The following SMPDL3B variants were observed in gnomAD, a reference collection of about 807,000 sequenced individuals.
SMPDL3B encodes acid sphingomyelinase-like phosphodiesterase 3b.
SMPDL3B carries 31 observed loss-of-function variants against 37.9 expected under a neutral mutation model. The ratio of observed to expected loss-of-function variants is 0.82; its 90% CI spans 0.61 to 1.10. The LOEUF is 1.10. Ranked by LOEUF, SMPDL3B falls within the 50% of genes least tolerant of loss-of-function variation. The pLI is 0.00. For synonymous variants in SMPDL3B, 235 were observed against 242.6 expected, an observed-to-expected ratio of 0.97 and a Z score of 0.29; for missense variants, 525 against 597.8, an observed-to-expected ratio of 0.88 and a Z score of 1.27.
chr1:27,953,761 C>T (rs1181109819), intron 4 of SMPDL3B, among the ~76,000 whole-genome samples: 2 of 152,212 alleles, frequency 1.3e-5, no homozygotes, highest in African/African-American at 4.8e-5. Flanking sequence ...CAGAATGTTG[C>T]AAACACTCAC....
At chr1:27,937,119 T>TAAA (rs2090316517) in intron 1 of SMPDL3B, among the ~76,000 whole-genome samples, 1 of 152,246 alleles carries the variant, frequency 6.6e-6, no homozygotes, top group African/African-American at 2.4e-5. Context: ...CACAGGTGGA[T>TAAA]TCTGAGACAG....
At chr1:27,944,176 G>A (rs1571651614) in intron 1 of SMPDL3B, among the ~76,000 whole-genome samples, 1 of 151,806 alleles carries the variant, frequency 6.6e-6, no homozygotes, top group African/African-American at 2.4e-5. Flanking sequence ...TCTAGGTTTC[G>A]GTCAATCACC....
rs770639265 is a variant in SMPDL3B at position 27,953,204 on chromosome 1, T to C, written c.374-11T>C. 1.2e-6 allele frequency: 2 copies of C among 1,605,140 alleles called. No homozygotes were observed. The highest frequency in any genetic ancestry group is 1.7e-6 in the Non-Finnish European group (2 of 1,176,550). On this transcript the variant is annotated splice_polypyrimidine_tract_variant and intron_variant, in intron 3 of 7. Coordinates refer to ENST00000373894, the MANE Select transcript of SMPDL3B (RefSeq NM_014474.4). ...GCATATATATTTTGATATTTCACCC[T>C]TTCTTCCTAGATACTAAAGTCTATG...
At chr1:27,948,959 G>A in intron 2 of SMPDL3B, 106 bp from the exon 3 acceptor site, 1 of 1,569,156 alleles carries the variant, frequency 6.4e-7, no homozygotes, top group Non-Finnish European at 8.6e-7. Context: ...GGGGACATCT[G>A]AGGCCCAGGT....
In SMPDL3B at chr1:27,955,836, C is replaced by T; in HGVS notation, c.843C>T (p.Asp281=). Residue 281 remains aspartate (D), a synonymous_variant, in exon 6 of 8, where the codon GAC becomes GAT. Transcript: ENST00000373894. ...AGQFFGHHHT[D]SFRMLYDDAG... is the part of the protein sequence containing the mutation. ...AGTTCTTCGGGCACCACCACACCGA[C>T]AGCTTTCGGATGCTCTATGATGATG... 6 of 1,614,116 alleles carry T rather than the reference C, an allele frequency of 3.7e-6. No individual in the cohort carries two copies. Among genetic ancestry groups the T allele is most frequent in the Non-Finnish European group, 5.1e-6 (6 of 1,179,990 alleles).
chr1:27,940,987 T>C (rs1001413979), intron 1 of SMPDL3B, among the ~76,000 whole-genome samples: 3 of 152,202 alleles, frequency 2.0e-5, no homozygotes, highest in Non-Finnish European at 4.4e-5. Flanking sequence ...GCAGGCCAGA[T>C]GTCAACATCC....
chr1:27,955,918 C>A (rs948305853), intron 6 of SMPDL3B, 31 bp from the exon 7 acceptor site: 3 of 1,613,164 alleles, frequency 1.9e-6, no homozygotes, highest in Non-Finnish European at 2.5e-6. Flanking sequence ...CTCCCCAGAC[C>A]CGCTCAGTCC....
At chr1:27,956,439 C>G in intron 7 of SMPDL3B, 1 of 1,275,800 alleles carries the variant, frequency 7.8e-7, no homozygotes, top group Non-Finnish European at 1.0e-6. Context: ...TCAGTGGCTC[C>G]CCAGTGCCTT....
chr1:27,953,514 G>A (rs1261988157), intron 4 of SMPDL3B, among the ~76,000 whole-genome samples, 156 bp downstream of exon 4: 1 of 152,174 alleles, frequency 6.6e-6, no homozygotes, highest in Non-Finnish European at 1.5e-5. Flanking sequence ...AGTCTTGGGA[G>A]CAGACTCCAG....
chr1:27,938,212 C>T lies in SMPDL3B; in HGVS notation c.61+2968C>T, dbSNP rs139646123. Among the ~76,000 whole-genome samples the T allele has an allele frequency of 3.7e-3, 560 of 152,326 alleles. 3 individuals carry two copies. The highest frequency in any genetic ancestry group is 0.013 in the African/African-American group (541 of 41,564). ...TTTTTCCTGGGCAAAGCCAAGAACC[C>T]TCATGGGCTAAGCTCCACTTTGGGG... On this transcript the variant is annotated intron_variant, in intron 1 of 7. Coordinates refer to ENST00000373894, the MANE Select transcript of SMPDL3B (RefSeq NM_014474.4).
At chr1:27,942,324 A>T (rs5018921) in intron 1 of SMPDL3B, 37 of 470,420 alleles carry the variant, frequency 7.9e-5, no homozygotes, top group East Asian at 1.4e-4. Flanking sequence ...GGCCTCCCCC[A>T]ACATCCATCC....
Position 27,958,591 on chromosome 1 carries a change from C to T in SMPDL3B, c.1121C>T (p.Ser374Phe). The T allele has an allele frequency of 1.2e-6, 2 of 1,613,956 alleles. No homozygotes were observed. The highest frequency in any genetic ancestry group is 1.7e-6 in the Non-Finnish European group (2 of 1,179,998). The change falls in exon 8 of 8, where the codon TCC (serine) becomes TTC (phenylalanine). Residue 374 changes from serine to phenylalanine, a missense_variant. Physicochemically the swap from Ser to Phe is radical, Grantham distance 155. Coordinates refer to ENST00000373894, the MANE Select transcript of SMPDL3B (RefSeq NM_014474.4). This position sits in a 1 kb window ranked among gnomAD's most constrained non-coding sequence, Gnocchi z 5.6. Reference protein sequence around the residue: ...AYGVPDASAHSMHTVLDRIAG... With the variant: ...AYGVPDASAHFMHTVLDRIAG... Reference sequence around the variant, plus strand: ...GGGGTGCCGGACGCCAGCGCCCACTCCATGCACACAGTGCTGGACCGCATC... The same window carrying T: ...GGGGTGCCGGACGCCAGCGCCCACTTCATGCACACAGTGCTGGACCGCATC...
Position 27,958,441 on chromosome 1 carries a change from GCT to G in SMPDL3B, c.1006-33_1006-32del, listed in dbSNP as rs1638360309. ...AGGATGGGGATGGAAGCAGACAACT[GCT>G]CACAGCCGGTCTACCCCAAACCCTT... On this transcript the variant is annotated intron_variant, in intron 7 of 7. Coordinates refer to ENST00000373894, the MANE Select transcript of SMPDL3B (RefSeq NM_014474.4). The surrounding 1 kb of genome is among the most constrained non-coding windows in gnomAD (Gnocchi z 5.6). 2 of 1,564,186 alleles carry G rather than the reference GCT, an allele frequency of 1.3e-6. No homozygotes were observed. The highest frequency in any genetic ancestry group is 2.7e-5 in the African/African-American group (2 of 74,060).
At position 27,958,702 on chromosome 1, in the gene SMPDL3B, T is replaced by G. The variant is rs762839224; in HGVS notation, c.1232T>G (p.Met411Arg). The G allele has an allele frequency of 6.2e-7, 1 of 1,613,928 alleles. No homozygotes were observed. Among genetic ancestry groups the G allele is most frequent in the Non-Finnish European group, 8.5e-7 (1 of 1,180,026 alleles). The change falls in exon 8 of 8, where the codon ATG becomes AGG. Residue 411 changes from methionine to arginine, a missense_variant. Coordinates refer to ENST00000373894, the MANE Select transcript of SMPDL3B (RefSeq NM_014474.4). The surrounding 1 kb of genome is among the most constrained non-coding windows in gnomAD (Gnocchi z 5.6). ...SAGVCDEACS[M>R]QHVCAMRQVD... Reference sequence around the variant, plus strand: ...GGGGTCTGCGACGAGGCCTGCAGCATGCAGCACGTGTGTGCCATGCGCCAG... The same window carrying G: ...GGGGTCTGCGACGAGGCCTGCAGCAGGCAGCACGTGTGTGCCATGCGCCAG...
rs1204578198 is a variant in SMPDL3B at position 27,958,920 on chromosome 1, C to T, written c.*82C>T. On this transcript the variant is annotated 3_prime_UTR_variant, in exon 8 of 8. Coordinates refer to ENST00000373894, the MANE Select transcript of SMPDL3B (RefSeq NM_014474.4). The surrounding 1 kb of genome is among the most constrained non-coding windows in gnomAD (Gnocchi z 5.6). ...CCCAGAGCTGGGCCTTCCACCATTTCCTCCGCGCCTGAGGAGTGAACTGAA... is the reference window on the plus strand; with the variant it reads ...CCCAGAGCTGGGCCTTCCACCATTTTCTCCGCGCCTGAGGAGTGAACTGAA... 7 of 1,423,212 alleles carry T rather than the reference C, an allele frequency of 4.9e-6. No individual in the cohort carries two copies. The highest frequency in any genetic ancestry group is 5.6e-6 in the Non-Finnish European group (6 of 1,077,566). 88.2% of individuals were successfully genotyped at this position (1,423,212 alleles called of 1,614,324 possible).
At position 27,944,328 on chromosome 1, in the gene SMPDL3B, C is replaced by A. The variant is rs1463152387; in HGVS notation, c.62-904C>A. Among the ~76,000 whole-genome samples, 5 of 152,094 alleles carry A rather than the reference C, an allele frequency of 3.3e-5. No homozygotes were observed. The East Asian group carries it at 5.8e-4, about 18-fold the overall frequency. On this transcript the variant is annotated intron_variant, in intron 1 of 7. Transcript: ENST00000373894. The stretch of plus-strand genomic sequence containing the variant: ...TCTAGTACTCTTATACTCACTTCCA[C>A]ATGTAGTCCCCAGGTTTTTGCTGTT...
rs762789629 is a variant in SMPDL3B, at chr1:27,954,517, T to G, written c.681T>G (p.Ala227=). ...LEDVLTDASK[A]GDMVYIVGHV... Reference sequence around the variant, plus strand: ...ATGTGCTGACCGATGCATCCAAAGCTGGGGACATGGTAAGAGGCCCTGCTT... The same window carrying G: ...ATGTGCTGACCGATGCATCCAAAGCGGGGGACATGGTAAGAGGCCCTGCTT... The change falls in exon 5 of 8, where the codon GCT becomes GCG. Residue 227 remains alanine (A), a synonymous_variant. Coordinates refer to ENST00000373894, the MANE Select transcript of SMPDL3B (RefSeq NM_014474.4). 1.2e-6 allele frequency: 2 copies of G among 1,613,758 alleles called. No homozygotes were observed. The highest frequency in any genetic ancestry group is 1.1e-5 in the South Asian group (1 of 91,070).
At chr1:27,942,712 G>A (rs1027862581) in intron 1 of SMPDL3B, among the ~76,000 whole-genome samples, 1 of 151,434 alleles carries the variant, frequency 6.6e-6, no homozygotes, top group Non-Finnish European at 1.5e-5. Context: ...TCGCCAGGCT[G>A]GAGTGCAGTG....
chr1:27,936,893 C>G (rs1266099168), intron 1 of SMPDL3B, among the ~76,000 whole-genome samples: 2 of 152,046 alleles, frequency 1.3e-5, no homozygotes, highest in African/African-American at 2.4e-5. Context: ...TGGTGATGAG[C>G]ACCTGTCGTC....
Sources: gnomAD v4.1 joint callset for allele counts (sites outside exome capture counted in the v4.1 genomes callset) on GRCh38, gnomAD v4.1.1 for gene constraint, Gnocchi (gnomAD v3.1) non-coding constraint, MANE v1.5 for transcripts, NCBI Gene and HGNC (gene_info 2026-07-23, HGNC 2026-07-21) for gene names.